The following RPS6KC1 variants were observed in gnomAD, a reference collection of about 807,000 sequenced individuals.
RPS6KC1 encodes ribosomal protein S6 kinase C1, also known as inactive ribosomal protein S6 kinase delta-1.
In RPS6KC1, 54 loss-of-function variants were observed where a neutral mutation model predicts 103.8. The observed-to-expected ratio is 0.52, with a 90% CI of 0.42 to 0.65. The LOEUF is 0.65. Ranked by LOEUF, RPS6KC1 falls within the 30% of genes least tolerant of loss-of-function variation. RPS6KC1 has a pLI of 0.00. For synonymous variants in RPS6KC1, 439 were observed against 438.7 expected (o/e 1.00, Z -0.01); for missense variants, 1,151 against 1,253.8 (o/e 0.92, Z 1.24).
chr1:213,170,180 C>G (rs1196661490), intron 7 of RPS6KC1, among the ~76,000 whole-genome samples: 1 of 152,132 alleles, frequency 6.6e-6, no homozygotes, highest in Non-Finnish European at 1.5e-5. Flanking sequence ...TCATGTAATC[C>G]TCCTACTTTT....
the RPS6KC1 span, among the ~76,000 whole-genome samples, chr1:213,615,911 G>C: frequency 8.5e-5 from 13 of 152,340 alleles, no homozygotes; most frequent in South Asian, 2.7e-3. Flanking sequence ...CTTAGTGACT[G>C]TTCTGGGGGA....
At chr1:213,279,195 T>C (rs1573773027), downstream of RPS6KC1, among the ~76,000 whole-genome samples, 1 of 152,024 alleles carries the variant, frequency 6.6e-6, no homozygotes, top group African/African-American at 2.4e-5. Context: ...GAAAGAGAGA[T>C]TAGAGGCAGG....
chr1:213,680,605 G>A, the RPS6KC1 span, among the ~76,000 whole-genome samples: 1 of 152,166 alleles, frequency 6.6e-6, no homozygotes, highest in Non-Finnish European at 1.5e-5. Flanking sequence ...TAAGATCCAT[G>A]TTAGGACATG....
intron 6 of RPS6KC1, among the ~76,000 whole-genome samples, chr1:213,161,795 AC>A (rs1202811670): frequency 1.3e-5 from 2 of 152,190 alleles, no homozygotes; most frequent in Non-Finnish European, 2.9e-5. Context: ...AGAATAATAA[AC>A]TGCTTGTTAT....
At chr1:213,754,967 T>C in the RPS6KC1 span, among the ~76,000 whole-genome samples, 1 of 152,216 alleles carries the variant, frequency 6.6e-6, no homozygotes, top group Non-Finnish European at 1.5e-5. Flanking sequence ...TAATTTAACT[T>C]TTTAAGCCAC....
chr1:213,240,092 A>G (rs1558607586), intron 10 of RPS6KC1, among the ~76,000 whole-genome samples: 1 of 152,106 alleles, frequency 6.6e-6, no homozygotes, highest in Non-Finnish European at 1.5e-5. Context: ...TGCCCAATTA[A>G]TTTTCCTCAG....
At chr1:213,826,404 C>A in the RPS6KC1 span, among the ~76,000 whole-genome samples, 1 of 152,284 alleles carries the variant, frequency 6.6e-6, no homozygotes, top group Non-Finnish European at 1.5e-5. Flanking sequence ...CCACAGTTTG[C>A]TTAGAGAAAA....
At chr1:213,549,276 G>A in the RPS6KC1 span, among the ~76,000 whole-genome samples, 66 of 152,332 alleles carry the variant, frequency 4.3e-4, no homozygotes, top group African/African-American at 1.5e-3. Context: ...AGGTGGTGGA[G>A]GAAGGCCCTC....
chr1:213,311,389 C>T, the RPS6KC1 span, among the ~76,000 whole-genome samples: 18 of 152,272 alleles, frequency 1.2e-4, no homozygotes, highest in East Asian at 7.7e-4. Flanking sequence ...CCACCCACCT[C>T]GGCCTCCCAA....
intron 7 of RPS6KC1, among the ~76,000 whole-genome samples, chr1:213,173,318 A>G (rs560263105): frequency 2.0e-5 from 3 of 152,332 alleles, no homozygotes; most frequent in East Asian, 3.9e-4. Flanking sequence ...AACTTTAATG[A>G]TCACTTTGCC....
chr1:213,637,887 G>T, the RPS6KC1 span, among the ~76,000 whole-genome samples: 1 of 151,902 alleles, frequency 6.6e-6, no homozygotes, highest in Non-Finnish European at 1.5e-5. Flanking sequence ...AGTGTCATTG[G>T]CTCACTAAAG....
the RPS6KC1 span, among the ~76,000 whole-genome samples, chr1:213,805,489 A>G: frequency 1.3e-5 from 2 of 152,234 alleles, no homozygotes; most frequent in African/African-American, 2.4e-5. Flanking sequence ...TTGCTCATCC[A>G]TAAGAAGCAA....
chr1:213,146,793 G>A (rs1034150626), intron 6 of RPS6KC1, among the ~76,000 whole-genome samples: 1 of 151,292 alleles, frequency 6.6e-6, no homozygotes, highest in Non-Finnish European at 1.5e-5. Context: ...CATAGTGCTT[G>A]TACTAATTTA....
the RPS6KC1 span, among the ~76,000 whole-genome samples, chr1:213,380,716 A>G: frequency 6.6e-6 from 1 of 152,200 alleles, no homozygotes; most frequent in East Asian, 1.9e-4. Flanking sequence ...GGAAAAGAAA[A>G]ACAAAAGGAA....
At chr1:213,711,596 G>A in the RPS6KC1 span, among the ~76,000 whole-genome samples, 1 of 152,074 alleles carries the variant, frequency 6.6e-6, no homozygotes, top group Non-Finnish European at 1.5e-5. Context: ...AGGCATTCTG[G>A]TTTTTGAAAT....
In RPS6KC1 at chr1:213,173,889, T is replaced by C. The variant is rs527264685; in HGVS notation, c.952-2511T>C. 2.0e-5 allele frequency among the ~76,000 whole-genome samples: 3 copies of C among 152,360 alleles called. No homozygotes were observed. The South Asian group carries it at 6.2e-4, about 32-fold the overall frequency. On this transcript the variant is annotated intron_variant, in intron 7 of 14. Transcript: ENST00000366960. ...AGATTTCATAGTTTGCTTTCTTTGCTCTTTAAATTGCCAAAGTGAACAAAT... is the reference window on the plus strand; with the variant it reads ...AGATTTCATAGTTTGCTTTCTTTGCCCTTTAAATTGCCAAAGTGAACAAAT...
the RPS6KC1 span, among the ~76,000 whole-genome samples, chr1:213,459,256 G>C: frequency 1.3e-5 from 2 of 152,174 alleles, no homozygotes; most frequent in Admixed American, 6.5e-5. Flanking sequence ...TTGGTTTGTA[G>C]GCTATTAATT....
the RPS6KC1 span, among the ~76,000 whole-genome samples, chr1:213,491,129 A>G: frequency 1.3e-5 from 2 of 151,964 alleles, no homozygotes; most frequent in African/African-American, 4.8e-5. Context: ...TTAAAACGCT[A>G]CTCTTATCTG....
chr1:213,360,033 T>C, the RPS6KC1 span, among the ~76,000 whole-genome samples: 1 of 152,330 alleles, frequency 6.6e-6, no homozygotes, highest in Admixed American at 6.5e-5. Flanking sequence ...CAATTATGTG[T>C]CTTGGAGTTG....
Sources: allele counts gnomAD v4.1 joint callset (sites outside exome capture counted in the v4.1 genomes callset), GRCh38; gene constraint gnomAD v4.1.1; transcripts MANE v1.5; gene names NCBI Gene and HGNC (gene_info 2026-07-23, HGNC 2026-07-21).